Variants in TMEM231 observed in about 807,000 individuals in gnomAD.
The protein encoded by TMEM231 is transmembrane protein 231.
Under a neutral mutation model 38.5 loss-of-function variants are expected in TMEM231, and 40 were observed. That is an observed-to-expected ratio of 1.04 (90% CI 0.81 to 1.35). The LOEUF (loss-of-function observed/expected upper bound fraction) is 1.35. Among genes scored for constraint, TMEM231 ranks in the 40% most tolerant of loss-of-function variants. The pLI is 0.00. For missense variants in TMEM231, 420 were observed against 416.9 expected (o/e 1.01, Z -0.07); for synonymous variants, 199 against 181.7 (o/e 1.10, Z -0.77).
At chr16:75,554,684 C>T (rs1267446117) in intron 2 of TMEM231, among the ~76,000 whole-genome samples, 1 of 151,950 alleles carries the variant, frequency 6.6e-6, no homozygotes, top group Non-Finnish European at 1.5e-5. Flanking sequence ...CAAAACTGAG[C>T]CTTCAATTTC....
intron 2 of TMEM231, 168 bp downstream of exon 2, chr16:75,555,636 C>A (rs2080801352): frequency 8.3e-6 from 5 of 605,680 alleles, no homozygotes; most frequent in Non-Finnish European, 1.3e-5. Flanking sequence ...AACAGAAGAT[C>A]GATTCCCTAG....
intron 2 of TMEM231, among the ~76,000 whole-genome samples, chr16:75,552,226 G>A (rs906311276): frequency 6.6e-6 from 1 of 152,164 alleles, no homozygotes; most frequent in African/African-American, 2.4e-5. Context: ...GGCCGAGGCA[G>A]GCAGATCACT....
chr16:75,542,543 GC>G (rs2080638843), intron 5 of TMEM231, 58 bp downstream of exon 5: 1 of 1,390,452 alleles, frequency 7.2e-7, no homozygotes, highest in Admixed American at 1.7e-5. Flanking sequence ...TGTCTCTGTT[GC>G]CCCCACTAAC....
chr16:75,540,886 C>T (rs866748672), intron 6 of TMEM231, among the ~76,000 whole-genome samples: 10 of 152,162 alleles, frequency 6.6e-5, no homozygotes, highest in South Asian at 4.1e-4. Flanking sequence ...ATGTCAAAGA[C>T]GCAGCCATTT....
rs985437381 is a variant in TMEM231, at chr16:75,545,209, C to T, written c.582+143G>A. 7 of 1,209,556 alleles carry T rather than the reference C, an allele frequency of 5.8e-6. No individual in the cohort carries two copies. In the African/African-American group the frequency reaches 9.2e-5, roughly 16 times the overall value. 74.9% of individuals were successfully genotyped at this position (1,209,556 alleles called of 1,614,324 possible). Reference sequence around the variant, plus strand: ...GACCTCAAGTGATCCATCCGCACATCTCCGCCTCCCAAAGTGCTGGGATTA... The same window carrying T: ...GACCTCAAGTGATCCATCCGCACATTTCCGCCTCCCAAAGTGCTGGGATTA... On this transcript the variant is annotated intron_variant, in intron 4 of 6. Transcript: ENST00000258173.
Position 75,556,248 on chromosome 16 carries a change from A to G in TMEM231, c.-39T>C. 7.2e-7 allele frequency: 1 copy of G among 1,392,598 alleles called. No homozygotes were observed. The highest frequency in any genetic ancestry group is 9.3e-7 in the Non-Finnish European group (1 of 1,077,496). The allele number at this position is 1,392,598 out of a possible 1,614,324, so 86.3% of individuals were successfully genotyped here. A position where few individuals can be genotyped will look rare whatever the true frequency, so the allele number is the denominator to read the frequency against. On this transcript the variant is annotated 5_prime_UTR_variant, in exon 1 of 7. Transcript: ENST00000258173. The stretch of plus-strand genomic sequence containing the variant: ...AGGCACTCCGCGAGCCGGGGGACCA[A>G]GTTTGGCTTCTCCTGGTTGCCATCG...
intron 2 of TMEM231, among the ~76,000 whole-genome samples, chr16:75,547,604 C>G (rs768607051): frequency 1.4e-4 from 21 of 151,806 alleles, no homozygotes; most frequent in Non-Finnish European, 2.5e-4. Flanking sequence ...CATGGTGAAA[C>G]CCCGTCTCTA....
In TMEM231 at chr16:75,547,281, G is replaced by T. The variant is rs181566202; in HGVS notation, c.310-1327C>A. 1.1e-4 allele frequency among the ~76,000 whole-genome samples: 16 copies of T among 152,258 alleles called. No individual in the cohort carries two copies. The East Asian group carries it at 1.7e-3, about 16-fold the overall frequency. On this transcript the variant is annotated intron_variant, in intron 2 of 6. Transcript: ENST00000258173. ...CTATTACGTAAGGAAGAGATTTTTT[G>T]TGTGTGTGCTTTTTCAGGCTAATAA...
intron 2 of TMEM231, among the ~76,000 whole-genome samples, chr16:75,550,684 G>C (rs1000406430): frequency 1.3e-5 from 2 of 149,388 alleles, no homozygotes; most frequent in Admixed American, 1.3e-4. Flanking sequence ...TTTCTGTTTT[G>C]TTTGCGTACA....
At chr16:75,541,302 G>C (rs775972268) in intron 6 of TMEM231, 48 bp downstream of exon 6, 11 of 1,425,974 alleles carry the variant, frequency 7.7e-6, no homozygotes, top group Non-Finnish European at 1.1e-5. Flanking sequence ...TTATAGGCAG[G>C]AGCCACCACA....
In TMEM231 at chr16:75,541,366, G is replaced by C. The variant is rs1295551040; in HGVS notation, c.754C>G (p.Pro252Ala). ...PFVINAIIRYPVEVISYQPGF... is the reference protein window; with the variant it reads ...PFVINAIIRYAVEVISYQPGF... ...AAAGGATATGAAATGACTTCCACAG[G>C]GTATCGGATGATAGCATTAATCACA... Residue 252 changes from proline to alanine, a missense_variant, in exon 6 of 7, where the codon CCT becomes GCT. Coordinates refer to ENST00000258173, the MANE Select transcript of TMEM231 (RefSeq NM_001077418.3). The C allele has an allele frequency of 1.9e-6, 3 of 1,609,534 alleles. No homozygotes were observed. Among genetic ancestry groups the C allele is most frequent in the South Asian group, 2.2e-5 (2 of 90,542 alleles).
chr16:75,550,603 T>G (rs949867536), intron 2 of TMEM231, among the ~76,000 whole-genome samples: 10 of 152,136 alleles, frequency 6.6e-5, no homozygotes, highest in African/African-American at 2.2e-4. Context: ...GTTTCCAGAG[T>G]ATCCTGATGT....
At position 75,540,045 on chromosome 16, in the gene TMEM231, A is replaced by T. The variant is rs199628375; in HGVS notation, c.900T>A (p.Ile300=). 1.2e-5 allele frequency: 19 copies of T among 1,613,544 alleles called. No individual in the cohort carries two copies. Among genetic ancestry groups the T allele is most frequent in the Non-Finnish European group, 1.6e-5 (19 of 1,179,712 alleles). ...FVFQNQVVTT[I]PVTVTPRGDL... ...CTCCCCGGGGCGTCACTGTCACAGG[A>T]ATGGTGGTCACCACCTGATTCTGAA... Residue 300 remains isoleucine, a synonymous_variant, in exon 7 of 7, where the codon ATT becomes ATA. Coordinates refer to ENST00000258173, the MANE Select transcript of TMEM231 (RefSeq NM_001077418.3).
At chr16:75,554,377 C>T (rs2080789604) in intron 2 of TMEM231, among the ~76,000 whole-genome samples, 2 of 151,938 alleles carry the variant, frequency 1.3e-5, no homozygotes, top group African/African-American at 2.4e-5. Context: ...CCAGCCTGGC[C>T]AACATAGTGA....
intron 4 of TMEM231, among the ~76,000 whole-genome samples, chr16:75,544,350 T>A (rs1345170327): frequency 1.3e-5 from 2 of 152,280 alleles, no homozygotes; most frequent in East Asian, 3.9e-4. Flanking sequence ...TGGGGATATC[T>A]GAACAGGGAC....
At chr16:75,552,182 G>A (rs2080770316) in intron 2 of TMEM231, among the ~76,000 whole-genome samples, 1 of 151,838 alleles carries the variant, frequency 6.6e-6, no homozygotes, top group African/African-American at 2.4e-5. Context: ...AGCTGGGCAT[G>A]GTGGCTCATG....
chr16:75,542,713 G>A lies in TMEM231; in HGVS notation c.583-30C>T, dbSNP rs540542737. ...GACACGGGAGGAGGATGTGGTGTGA[G>A]CACCTGGGAGACTCCTCCCCTTTTC... On this transcript the variant is annotated intron_variant, in intron 4 of 6. Transcript: ENST00000258173. The A allele has an allele frequency of 9.1e-5, 145 of 1,601,002 alleles. 1 individual carries two copies. In the South Asian group the frequency reaches 1.4e-3, roughly 16 times the overall value.
At position 75,538,402 on chromosome 16, in the gene TMEM231, A is replaced by C. The variant is rs1462435124; in HGVS notation, c.*1592T>G. ...TTTAATAAAATGCAAACCAATGTTT[A>C]TACGTATCTTGTCATCTTTCCATAT... On this transcript the variant is annotated 3_prime_UTR_variant, in exon 7 of 7. Coordinates refer to ENST00000258173, the MANE Select transcript of TMEM231 (RefSeq NM_001077418.3). The C allele has an allele frequency of 6.6e-6, 1 of 152,260 alleles. No homozygotes were observed. Among genetic ancestry groups the C allele is most frequent in the Non-Finnish European group, 1.5e-5 (1 of 68,044 alleles). 9.4% of individuals were successfully genotyped at this position (152,260 alleles called of 1,614,324 possible). A position where few individuals can be genotyped will look rare whatever the true frequency, so the allele number is the denominator to read the frequency against.
rs2650396 is a variant in TMEM231 at position 75,538,922 on chromosome 16, G to A, written c.*1072C>T. ...TTCTGCTAGTGGCCAGGCTGGACTG[G>A]CCTGCCCAGGCCAGCATCCTCTTTA... On this transcript the variant is annotated 3_prime_UTR_variant, in exon 7 of 7. Coordinates refer to ENST00000258173, the MANE Select transcript of TMEM231 (RefSeq NM_001077418.3). 0.25 allele frequency: 37,711 copies of A among 151,978 alleles called. 4,817 individuals are homozygous for A. The highest frequency in any genetic ancestry group is 0.32 in the Middle Eastern group (93 of 294). 9.4% of individuals were successfully genotyped at this position (151,978 alleles called of 1,614,324 possible). A position where few individuals can be genotyped will look rare whatever the true frequency, so the allele number is the denominator to read the frequency against.
Sources: gnomAD v4.1 joint callset for allele counts (sites outside exome capture counted in the v4.1 genomes callset) on GRCh38, gnomAD v4.1.1 for gene constraint, MANE v1.5 for transcripts, NCBI Gene and HGNC (gene_info 2026-07-23, HGNC 2026-07-21) for gene names.